The following PRRC2C variants were observed in gnomAD, a reference collection of about 807,000 sequenced individuals.
PRRC2C encodes the protein protein PRRC2C.
Under a neutral mutation model 317.2 loss-of-function variants are expected in PRRC2C, and 72 were observed. The observed-to-expected ratio is 0.23, with a 90% CI of 0.19 to 0.28. PRRC2C has a LOEUF of 0.28. Ranked by LOEUF, PRRC2C falls within the 10% of genes least tolerant of loss-of-function variation. PRRC2C has a pLI of 1.00. For missense variants in PRRC2C, 3,074 were observed against 3,459.7 expected (o/e 0.89, Z 2.80); for synonymous variants, 1,296 against 1,205.9 (o/e 1.07, Z -1.55).
chr1:171,563,770 T>C (rs945739896), intron 20 of PRRC2C, among the ~76,000 whole-genome samples: 3 of 152,182 alleles, frequency 2.0e-5, no homozygotes, highest in African/African-American at 7.2e-5. Context: ...ATTCAATATT[T>C]AAGAGTCTCA....
chr1:171,497,614 G>A (rs758424584), intron 1 of PRRC2C, among the ~76,000 whole-genome samples: 7 of 151,900 alleles, frequency 4.6e-5, no homozygotes, highest in African/African-American at 7.3e-5. Context: ...TGGGAGACAG[G>A]CATGTGCCAC....
intron 24 of PRRC2C, among the ~76,000 whole-genome samples, chr1:171,573,249 C>T (rs1685083471): frequency 1.3e-5 from 2 of 151,968 alleles, no homozygotes; most frequent in Non-Finnish European, 2.9e-5. Flanking sequence ...ACTGAATTTC[C>T]GAAAATAAAA....
At chr1:171,529,927 A>G (rs1449208611) in intron 11 of PRRC2C, among the ~76,000 whole-genome samples, 3 of 152,174 alleles carry the variant, frequency 2.0e-5, no homozygotes, top group African/African-American at 7.2e-5. Flanking sequence ...TAATCACCCT[A>G]CTGTGATAGC....
intron 18 of PRRC2C, among the ~76,000 whole-genome samples, chr1:171,554,534 C>T (rs968351232): frequency 3.9e-5 from 6 of 152,192 alleles, no homozygotes; most frequent in South Asian, 2.1e-4. Flanking sequence ...TTGTTTTGCC[C>T]GTTAATTGAT....
intron 27 of PRRC2C, 75 bp from the exon 28 acceptor site, chr1:171,579,753 T>G: frequency 6.9e-7 from 1 of 1,441,072 alleles, no homozygotes; most frequent in Non-Finnish European, 9.2e-7. Context: ...GTCTCAAATT[T>G]TTATATTCCA....
Position 171,521,566 on chromosome 1 carries a change from A to G in PRRC2C, c.751-611A>G, listed in dbSNP as rs987770500. Among the ~76,000 whole-genome samples the G allele has an allele frequency of 2.6e-5, 4 of 150,952 alleles. No homozygotes were observed. In the East Asian group the frequency reaches 7.9e-4, roughly 30 times the overall value. Reference sequence around the variant, plus strand: ...CCCCTTTTCCAACTCACTTCCTTGGATTGTGGACTGTCTTTTAATTTTATC... The same window carrying G: ...CCCCTTTTCCAACTCACTTCCTTGGGTTGTGGACTGTCTTTTAATTTTATC... On this transcript the variant is annotated intron_variant, in intron 6 of 34. Transcript: ENST00000647382.
Position 171,512,132 on chromosome 1 carries a change from A to C in PRRC2C, c.44A>C (p.Lys15Thr). Residue 15 changes from lysine (K) to threonine (T), a missense_variant, in exon 2 of 35, where the codon AAA (lysine) becomes ACA (threonine). Physicochemically the swap from Lys to Thr is moderately conservative, Grantham distance 78. Coordinates refer to ENST00000647382, the MANE Select transcript of PRRC2C (RefSeq NM_001387844.1). ...SGQSTKAKDG[K>T]KYATLSLFNT... ...CAGAGCACAAAAGCAAAGGATGGGA[A>C]AAAGTATGCAACACTCAGTTTATTT... The C allele has an allele frequency of 6.3e-7, 1 of 1,581,574 alleles. No homozygotes were observed. The highest frequency in any genetic ancestry group is 8.6e-7 in the Non-Finnish European group (1 of 1,163,164).
intron 18 of PRRC2C, among the ~76,000 whole-genome samples, 159 bp downstream of exon 18, chr1:171,550,399 C>G (rs923562000): frequency 6.6e-6 from 1 of 151,406 alleles, no homozygotes; most frequent in East Asian, 1.9e-4. Context: ...TGACCAGAAT[C>G]AAAGGAAATT....
At chr1:171,560,174 A>G (rs1682378322) in intron 19 of PRRC2C, among the ~76,000 whole-genome samples, 2 of 152,234 alleles carry the variant, frequency 1.3e-5, no homozygotes, top group Admixed American at 6.5e-5. Context: ...TTAGTGATTC[A>G]TGGGAGGATG....
chr1:171,583,393 T>A (rs1450980865), intron 28 of PRRC2C, among the ~76,000 whole-genome samples: 1 of 151,836 alleles, frequency 6.6e-6, no homozygotes, highest in Non-Finnish European at 1.5e-5. Flanking sequence ...AGGGCTAGGA[T>A]CATCAATATA....
rs36110276 is a variant in PRRC2C, at chr1:171,566,334, G to A, written c.6219G>A (p.Val2073=). 6.4e-4 allele frequency: 1,021 copies of A among 1,602,810 alleles called. 8 individuals are homozygous for A. The African/African-American group carries it at 0.013, about 20-fold the overall frequency. The change falls in exon 21 of 35, where the codon GTG becomes GTA. Residue 2073 remains valine (V), a synonymous_variant. Coordinates refer to ENST00000647382, the MANE Select transcript of PRRC2C (RefSeq NM_001387844.1). ...SNGNENEVVP[V]LSEKSADKIP... is the part of the protein sequence containing the mutation. ...GAAATGAAAATGAAGTTGTTCCTGT[G>A]CTTTCGGAAAAATCTGCTGACAAAA...
intron 10 of PRRC2C, among the ~76,000 whole-genome samples, chr1:171,527,571 A>C (rs927851900): frequency 1.4e-5 from 2 of 148,132 alleles, no homozygotes; most frequent in Admixed American, 1.4e-4. Flanking sequence ...AGCCTGGCCA[A>C]CATGGCAAAA....
At position 171,540,408 on chromosome 1, in the gene PRRC2C, C is replaced by G. The variant is rs1377398706; in HGVS notation, c.2942C>G (p.Pro981Arg). The G allele has an allele frequency of 6.2e-7, 1 of 1,613,042 alleles. No individual in the cohort carries two copies. Among genetic ancestry groups the G allele is most frequent in the East Asian group, 2.2e-5 (1 of 44,846 alleles). The change falls in exon 16 of 35, where the codon CCA becomes CGA. Residue 981 changes from proline (P) to arginine (R), a missense_variant. This residue lies in a region of PRRC2C where 1,320 missense variants were observed against 1,395.7 expected (regional missense o/e 0.95). Transcript: ENST00000647382. ...KEGFIRSSEG[P>R]KPEKVYKSKS... ...GGCTTTATACGATCTTCTGAAGGAC[C>G]AAAACCTGAAAAAGTATATAAATCT...
intron 15 of PRRC2C, among the ~76,000 whole-genome samples, chr1:171,539,025 G>A (rs10753129): frequency 0.8 from 120,818 of 150,332 alleles, 48,649 homozygotes; most frequent in Middle Eastern, 0.9. Context: ...TTTTTTAATG[G>A]AGTTTTGCTC....
intron 1 of PRRC2C, among the ~76,000 whole-genome samples, chr1:171,488,612 A>T (rs1666557822): frequency 6.6e-6 from 1 of 152,146 alleles, no homozygotes; most frequent in South Asian, 2.1e-4. Context: ...AGAAGTGCCT[A>T]CCATTGCTCC....
intron 17 of PRRC2C, among the ~76,000 whole-genome samples, chr1:171,548,838 T>A (rs1679654562): frequency 6.6e-6 from 1 of 152,220 alleles, no homozygotes; most frequent in African/African-American, 2.4e-5. Flanking sequence ...TACACATTTA[T>A]TTTAATTAAT....
intron 2 of PRRC2C, chr1:171,512,570 G>GT (rs531569414): frequency 7.9e-6 from 2 of 251,884 alleles, no homozygotes; most frequent in Non-Finnish European, 1.6e-5. Context: ...CGTGTGTGGG[G>GT]GTGTGTGTGT....
intron 25 of PRRC2C, among the ~76,000 whole-genome samples, chr1:171,575,644 T>C (rs1389542036): frequency 6.6e-6 from 1 of 152,188 alleles, no homozygotes; most frequent in African/African-American, 2.4e-5. Context: ...TTTCTTGCTC[T>C]TTTTCCTTAG....
chr1:171,546,382 A>G (rs1274219344), intron 17 of PRRC2C, among the ~76,000 whole-genome samples: 1 of 152,248 alleles, frequency 6.6e-6, no homozygotes, highest in African/African-American at 2.4e-5. Context: ...TGGTAATAAT[A>G]GTAGTAATAG....
Sources: gnomAD v4.1 joint callset for allele counts (sites outside exome capture counted in the v4.1 genomes callset) on GRCh38, gnomAD v4.1.1 for gene constraint, gnomAD v4.1.1 regional missense constraint, MANE v1.5 for transcripts, NCBI Gene and HGNC (gene_info 2026-07-23, HGNC 2026-07-21) for gene names.